Variants in ENOX2 observed in about 807,000 individuals in gnomAD.
The protein encoded by ENOX2 is APK1 antigen.
In ENOX2, 36 loss-of-function variants were observed where a neutral mutation model predicts 45.0. That is an observed-to-expected ratio of 0.80 (90% confidence interval 0.61 to 1.06). ENOX2 has a LOEUF of 1.06. Ranked by LOEUF, ENOX2 falls within the 50% of genes least tolerant of loss-of-function variation. The pLI, the probability that ENOX2 is intolerant of heterozygous loss-of-function variation, is 0.00. For synonymous variants in ENOX2, 174 were observed against 152.3 expected, an observed-to-expected ratio of 1.14 and a Z score of -1.05; for missense variants, 423 against 462.5, an observed-to-expected ratio of 0.91 and a Z score of 0.78.
chrX:130,768,620 T>A (rs1007526628), intron 3 of ENOX2, among the ~76,000 whole-genome samples: 2 of 111,874 alleles, frequency 1.8e-5, no homozygotes, highest in African/African-American at 6.5e-5. Context: ...GGGCTACAAA[T>A]TCTTGTCCTG....
rs894436349 is a variant in ENOX2, at chrX:130,892,665, C to T, written c.-183+9019G>A. On this transcript the variant is annotated intron_variant, in intron 2 of 14. Transcript: ENST00000394363. ...CACGACACTAGGTGAAATAGAAAGT[C>T]ATCCAAGAGTTAATGAAAAAGACAT... Among the ~76,000 whole-genome samples, 4 of 112,712 alleles carry T rather than the reference C, an allele frequency of 3.5e-5. No individual in the cohort carries two copies. The Admixed American group carries it at 3.7e-4, about 11-fold the overall frequency.
intron 2 of ENOX2, among the ~76,000 whole-genome samples, chrX:130,822,544 G>A (rs1041010757): frequency 3.6e-5 from 4 of 110,199 alleles, no homozygotes; most frequent in East Asian, 2.8e-4. Context: ...ACCAAACACC[G>A]CATGTTCTCA....
chrX:130,709,231 A>T, intron 3 of ENOX2: 1 of 1,197,756 alleles, frequency 8.3e-7, no homozygotes, highest in Non-Finnish European at 1.1e-6. Context: ...AACTGTACAA[A>T]GTGGGGCTTA....
chrX:130,730,421 T>G (rs1310013014), intron 3 of ENOX2, among the ~76,000 whole-genome samples: 1 of 112,377 alleles, frequency 8.9e-6, no homozygotes, highest in African/African-American at 3.2e-5. Context: ...TTATAATGAT[T>G]GTAGATTAGA....
At chrX:130,686,745 T>C (rs1237988826) in intron 5 of ENOX2, among the ~76,000 whole-genome samples, 1 of 112,241 alleles carries the variant, frequency 8.9e-6, no homozygotes, top group Non-Finnish European at 1.9e-5. Flanking sequence ...AGAGAAGCAC[T>C]TCTATTAGTG....
At chrX:130,659,509 C>G (rs2036630205) in intron 9 of ENOX2, among the ~76,000 whole-genome samples, 1 of 112,123 alleles carries the variant, frequency 8.9e-6, no homozygotes, top group African/African-American at 3.2e-5. Flanking sequence ...ACTTATTACA[C>G]AGAGAACAAT....
At chrX:130,877,339 A>G (rs191984366) in intron 2 of ENOX2, among the ~76,000 whole-genome samples, 2 of 112,114 alleles carry the variant, frequency 1.8e-5, no homozygotes, top group Admixed American at 9.5e-5. Flanking sequence ...CGTAAATGTT[A>G]GTAAGAACAA....
At chrX:130,714,885 G>C (rs145179780) in intron 3 of ENOX2, among the ~76,000 whole-genome samples, 3 of 111,531 alleles carry the variant, frequency 2.7e-5, no homozygotes, top group African/African-American at 6.5e-5. Context: ...GGGGAGCACT[G>C]AGGAAGTGAT....
At chrX:130,669,466 T>C (rs1482281472) in intron 7 of ENOX2, among the ~76,000 whole-genome samples, 1 of 112,055 alleles carries the variant, frequency 8.9e-6, no homozygotes, top group Non-Finnish European at 1.9e-5. Flanking sequence ...GGCTAAGTCT[T>C]TGAGTCATCT....
At position 130,639,818 on chromosome X, in the gene ENOX2, T is replaced by C. The variant is rs9887305; in HGVS notation, c.1130-2408A>G. Among the ~76,000 whole-genome samples, 745 of 112,363 alleles carry C rather than the reference T, an allele frequency of 6.6e-3. 9 individuals are homozygous for C. Among genetic ancestry groups the C allele is most frequent in the African/African-American group, 0.023 (703 of 30,944 alleles). On this transcript the variant is annotated intron_variant, in intron 10 of 14. Coordinates refer to ENST00000394363, the MANE Select transcript of ENOX2 (RefSeq NM_006375.4). Reference sequence around the variant, plus strand: ...AAGAATGCCTTTGATGGGGAAATTATTAGACTGGACATAACTAAGGAAATA... The same window carrying C: ...AAGAATGCCTTTGATGGGGAAATTACTAGACTGGACATAACTAAGGAAATA...
At chrX:130,828,061 T>C (rs963713959) in intron 2 of ENOX2, among the ~76,000 whole-genome samples, 1 of 112,291 alleles carries the variant, frequency 8.9e-6, no homozygotes, top group African/African-American at 3.2e-5. Context: ...CTGCAAATGG[T>C]ATCCCAATAT....
chrX:130,796,513 A>T (rs1280404217), intron 2 of ENOX2, among the ~76,000 whole-genome samples: 1 of 112,426 alleles, frequency 8.9e-6, no homozygotes, highest in African/African-American at 3.2e-5. Context: ...AAAAGATATT[A>T]ATTCATTCAG....
chrX:130,684,156 C>T (rs1315029271), intron 5 of ENOX2, among the ~76,000 whole-genome samples: 1 of 112,553 alleles, frequency 8.9e-6, no homozygotes, highest in Non-Finnish European at 1.9e-5. Context: ...TTTTAAAGGG[C>T]TTTTGCCTAT....
intron 2 of ENOX2, among the ~76,000 whole-genome samples, chrX:130,895,054 A>AT (rs1278063484): frequency 9.0e-6 from 1 of 111,664 alleles, no homozygotes; most frequent in Non-Finnish European, 1.9e-5. Flanking sequence ...TGCTTTTCAC[A>AT]TCAAAATACG....
chrX:130,862,272 A>C (rs2078421121), intron 2 of ENOX2, among the ~76,000 whole-genome samples: 2 of 111,018 alleles, frequency 1.8e-5, no homozygotes, highest in Non-Finnish European at 3.8e-5. Flanking sequence ...TGAACAATCC[A>C]GACACTCTCT....
chrX:130,648,426 G>A (rs1376629146), intron 10 of ENOX2, among the ~76,000 whole-genome samples: 1 of 107,322 alleles, frequency 9.3e-6, no homozygotes, highest in Non-Finnish European at 1.9e-5. Context: ...CAACAAGAGC[G>A]AAACTCCGTC....
chrX:130,768,830 G>GCACC (rs779587478), intron 3 of ENOX2, among the ~76,000 whole-genome samples: 5 of 111,926 alleles, frequency 4.5e-5, no homozygotes, highest in African/African-American at 6.5e-5. Flanking sequence ...GCAGAGAACA[G>GCACC]AGTGACAGAA....
chrX:130,669,661 T>G (rs746076223), intron 7 of ENOX2, among the ~76,000 whole-genome samples: 116 of 112,296 alleles, frequency 1.0e-3, no homozygotes, highest in Non-Finnish European at 1.9e-3. Flanking sequence ...AAGTCATAGA[T>G]CATGCCTAAA....
At chrX:130,667,347 G>A (rs1266286638) in intron 8 of ENOX2, among the ~76,000 whole-genome samples, 183 bp downstream of exon 8, 5 of 111,682 alleles carry the variant, frequency 4.5e-5, no homozygotes, top group Non-Finnish European at 5.6e-5. Context: ...TAGCAGGTGC[G>A]CACATGTCTC....
Sources: gnomAD v4.1 joint callset for allele counts (sites outside exome capture counted in the v4.1 genomes callset) on GRCh38, gnomAD v4.1.1 for gene constraint, MANE v1.5 for transcripts, NCBI Gene and HGNC (gene_info 2026-07-23, HGNC 2026-07-21) for gene names.